The following CYP3A5 variants were observed in gnomAD, a reference collection of about 807,000 sequenced individuals.
The protein encoded by CYP3A5 is cytochrome P450 family 3 subfamily A member 5.
In CYP3A5, 51 loss-of-function variants were observed where a neutral mutation model predicts 55.9. That is an observed-to-expected ratio of 0.91 (90% CI 0.73 to 1.15). The LOEUF is 1.15. CYP3A5 is among the 50% of genes most tolerant of loss of function. The pLI is 0.00. For synonymous variants in CYP3A5, 196 were observed against 213.9 expected (o/e 0.92, Z 0.73); for missense variants, 533 against 596.6 (o/e 0.89, Z 1.11).
intron 1 of CYP3A5, 45 bp downstream of exon 1, chr7:99,679,781 C>A (rs377122712): frequency 6.3e-7 from 1 of 1,595,710 alleles, no homozygotes; most frequent in Non-Finnish European, 8.6e-7. Flanking sequence ...CGATTAGCAC[C>A]CCAAGTCCAA....
Position 99,679,880 on chromosome 7 carries a change from T to A in CYP3A5, c.17A>T (p.Asn6Ile). 6.2e-7 allele frequency: 1 copy of A among 1,614,060 alleles called. No individual in the cohort carries two copies. Among genetic ancestry groups the A allele is most frequent in the Non-Finnish European group, 8.5e-7 (1 of 1,179,962 alleles). Residue 6 changes from asparagine to isoleucine, a missense_variant, in exon 1 of 13, where the codon AAT (asparagine) becomes ATT (isoleucine). Coordinates refer to ENST00000222982, the MANE Select transcript of CYP3A5 (RefSeq NM_000777.5). MDLIP[N>I]LAVETWLLLA... ...GAGAAGCCAGGTTTCCACCGCCAAATTTGGGATGAGGTCCATCGCCACTTT... is the reference window on the plus strand; with the variant it reads ...GAGAAGCCAGGTTTCCACCGCCAAAATTGGGATGAGGTCCATCGCCACTTT...
chr7:99,673,102 G>C (rs111268065), intron 3 of CYP3A5, among the ~76,000 whole-genome samples: 7 of 152,194 alleles, frequency 4.6e-5, no homozygotes, highest in Non-Finnish European at 8.8e-5. Context: ...AAATCATCAA[G>C]TGCTCACAAG....
In CYP3A5 at chr7:99,652,623, C is replaced by A. The variant is rs780828985; in HGVS notation, c.1183G>T (p.Val395Leu). 1 of 1,614,088 alleles carries A rather than the reference C, an allele frequency of 6.2e-7. No homozygotes were observed. Among genetic ancestry groups the A allele is most frequent in the Non-Finnish European group, 8.5e-7 (1 of 1,179,982 alleles). The change falls in exon 11 of 13, where the codon GTG becomes TTG. Residue 395 changes from valine (V) to leucine (L), a missense_variant. Val to Leu is a conservative substitution (Grantham distance 32). Transcript: ENST00000222982. ...GVFIPKGSMV[V>L]IPTYALHHDP... ...TGGTGAAGAGCATAAGTTGGAATCACCACCATTGACCCTTTGGGAATGAAT... is the reference window on the plus strand; with the variant it reads ...TGGTGAAGAGCATAAGTTGGAATCAACACCATTGACCCTTTGGGAATGAAT...
chr7:99,676,511 C>G, intron 1 of CYP3A5: 1 of 1,379,266 alleles, frequency 7.3e-7, no homozygotes, highest in Non-Finnish European at 9.6e-7. Context: ...GGAATTCTTC[C>G]AGGACACTTC....
intron 4 of CYP3A5, chr7:99,670,861 A>G (rs1037816352): frequency 6.6e-6 from 1 of 152,192 alleles, no homozygotes; most frequent in Non-Finnish European, 1.5e-5. Flanking sequence ...CTGATGGATT[A>G]GTTTCTCAAA....
intron 1 of CYP3A5, chr7:99,676,478 A>C (rs765448063): frequency 7.1e-7 from 1 of 1,410,184 alleles, no homozygotes; most frequent in Non-Finnish European, 9.4e-7. Context: ...AATGTCCTCA[A>C]ATGCTCCTGA....
chr7:99,663,272 TCTC>T, intron 8 of CYP3A5: 1 of 1,005,476 alleles, frequency 9.9e-7, no homozygotes, highest in East Asian at 1.0e-4. Context: ...TATAGATTAA[TCTC>T]CTGACATTTC....
chr7:99,670,830 C>T (rs1811533633), intron 4 of CYP3A5: 1 of 152,184 alleles, frequency 6.6e-6, no homozygotes, highest in Non-Finnish European at 1.5e-5. Flanking sequence ...AGAATTGCAA[C>T]TACTTCCATC....
At chr7:99,652,278 AC>A in intron 11 of CYP3A5, 1 of 203,514 alleles carries the variant, frequency 4.9e-6, no homozygotes. Context: ...AAAAAGTGAT[AC>A]CATTCTAATT....
chr7:99,671,714 G>A (rs1811649577), intron 4 of CYP3A5: 2 of 654,750 alleles, frequency 3.1e-6, no homozygotes, highest in Admixed American at 5.0e-5. Context: ...ATCCATAAAA[G>A]GAAATATTAA....
intron 8 of CYP3A5, chr7:99,663,388 C>G (rs564596721): frequency 1.0e-6 from 1 of 991,870 alleles, no homozygotes; most frequent in South Asian, 4.6e-5. Flanking sequence ...GGTCCTGTCT[C>G]CCTGACCTGC....
intron 4 of CYP3A5, chr7:99,671,011 T>C (rs1811557244): frequency 6.6e-6 from 1 of 152,202 alleles, no homozygotes; most frequent in African/African-American, 2.4e-5. Context: ...TTCAATGATT[T>C]TGAAAGACCC....
chr7:99,648,301 T>A lies in CYP3A5; in HGVS notation c.*4A>T. On this transcript the variant is annotated 3_prime_UTR_variant, in exon 13 of 13. Transcript: ENST00000222982. Reference sequence around the variant, plus strand: ...AAGACCAAAGTAGAAATCCTTAGAATAACTCATTCTCCACTTAGGGTTCCA... The same window carrying A: ...AAGACCAAAGTAGAAATCCTTAGAAAAACTCATTCTCCACTTAGGGTTCCA... The A allele has an allele frequency of 1.2e-6, 2 of 1,610,744 alleles. No homozygotes were observed. The highest frequency in any genetic ancestry group is 1.7e-6 in the Non-Finnish European group (2 of 1,178,304).
rs28969393 is a variant in CYP3A5 at position 99,664,114 on chromosome 7, A to G, written c.671-19T>C. On this transcript the variant is annotated intron_variant, in intron 7 of 12. Coordinates refer to ENST00000222982, the MANE Select transcript of CYP3A5 (RefSeq NM_000777.5). ...AAGAGTACTGTGGGAAAAACAAAAC[A>G]AACAAAAGGAAATCATTGAAAATGC... The G allele has an allele frequency of 1.2e-3, 1,789 of 1,544,392 alleles. 14 individuals are homozygous for G. The African/African-American group carries it at 0.022, about 19-fold the overall frequency.
intron 12 of CYP3A5, among the ~76,000 whole-genome samples, chr7:99,648,605 A>C (rs1584395881): frequency 6.6e-6 from 1 of 152,188 alleles, no homozygotes; most frequent in Non-Finnish European, 1.5e-5. Flanking sequence ...ATCGTTTAAC[A>C]AAATATTTAT....
intron 9 of CYP3A5, among the ~76,000 whole-genome samples, chr7:99,661,706 C>G (rs916426394): frequency 1.3e-5 from 2 of 152,196 alleles, no homozygotes; most frequent in Non-Finnish European, 2.9e-5. Context: ...CTACAGAGTT[C>G]TGATTTATCA....
chr7:99,661,069 A>G (rs1810395906), intron 9 of CYP3A5, among the ~76,000 whole-genome samples: 1 of 152,222 alleles, frequency 6.6e-6, no homozygotes, highest in African/African-American at 2.4e-5. Context: ...AGAGCTTGAC[A>G]GACTTTGAGA....
In CYP3A5 at chr7:99,653,659, G is replaced by T. The variant is rs1809407671; in HGVS notation, c.1027-880C>A. 6.6e-6 allele frequency among the ~76,000 whole-genome samples: 1 copy of T among 152,116 alleles called. No homozygotes were observed. Among genetic ancestry groups the T allele is most frequent in the African/African-American group, 2.4e-5 (1 of 41,406 alleles). On this transcript the variant is annotated intron_variant, in intron 10 of 12. Coordinates refer to ENST00000222982, the MANE Select transcript of CYP3A5 (RefSeq NM_000777.5). This position sits in a 1 kb window ranked among gnomAD's most constrained non-coding sequence, Gnocchi z 4.2. ...TTTCCTAGTTGTTGCTTCAGGGCTG[G>T]ACTGTAATCTTCAGGACTGGATGTA... is the stretch of plus-strand genomic sequence containing the variant.
At chr7:99,657,355 A>T (rs1414779332) in intron 10 of CYP3A5, among the ~76,000 whole-genome samples, 1 of 152,218 alleles carries the variant, frequency 6.6e-6, no homozygotes, top group Non-Finnish European at 1.5e-5. Context: ...GTAGTCATTC[A>T]GGAGCAGGTT....
Sources: allele counts gnomAD v4.1 joint callset (sites outside exome capture counted in the v4.1 genomes callset), GRCh38; gene constraint gnomAD v4.1.1; non-coding constraint Gnocchi (gnomAD v3.1); transcripts MANE v1.5; gene names NCBI Gene and HGNC (gene_info 2026-07-23, HGNC 2026-07-21).